ASB4: variants seen among roughly 807,000 people sequenced by gnomAD.
ASB4 encodes the protein ankyrin repeat and SOCS box containing 4.
A neutral mutation model predicts 38.6 loss-of-function variants in ASB4; 35 were observed. The observed-to-expected ratio is 0.91, with a 90% CI of 0.69 to 1.20. ASB4 has a LOEUF of 1.20. ASB4 is among the 50% of genes most tolerant of loss of function. ASB4 has a pLI of 0.00. For missense variants in ASB4, 557 were observed against 527.2 expected (o/e 1.06, Z -0.55); for synonymous variants, 195 against 201.3 (o/e 0.97, Z 0.26).
At chr7:95,510,336 G>A (rs1790462876) in intron 2 of ASB4, among the ~76,000 whole-genome samples, 1 of 152,002 alleles carries the variant, frequency 6.6e-6, no homozygotes, top group African/African-American at 2.4e-5. Flanking sequence ...CCTTTATTTT[G>A]GTTTCTGGAT....
intron 2 of ASB4, among the ~76,000 whole-genome samples, chr7:95,510,182 A>G (rs1243296108): frequency 6.6e-6 from 1 of 152,194 alleles, no homozygotes; most frequent in Admixed American, 6.5e-5. Context: ...ATGAAAAGAT[A>G]TGAAAAACTG....
chr7:95,474,717 G>T (rs539116910), upstream of ASB4, among the ~76,000 whole-genome samples: 1 of 152,002 alleles, frequency 6.6e-6, no homozygotes, highest in Admixed American at 6.5e-5. Context: ...TTAGAGATGG[G>T]TGTCACCATG....
At chr7:95,528,893 T>G in intron 3 of ASB4, 1 of 217,480 alleles carries the variant, frequency 4.6e-6, no homozygotes, top group Non-Finnish European at 7.8e-6. Context: ...TGAGGCACAG[T>G]TAAGTAGCTT....
chr7:95,479,420 A>G (rs1485960937), intron 1 of ASB4, among the ~76,000 whole-genome samples: 1 of 152,202 alleles, frequency 6.6e-6, no homozygotes, highest in Non-Finnish European at 1.5e-5. Context: ...TTCTTATGAA[A>G]TAGTATGCTT....
intron 2 of ASB4, 140 bp from the exon 3 acceptor site, chr7:95,527,673 G>T (rs1224166611): frequency 1.5e-5 from 13 of 841,576 alleles, no homozygotes; most frequent in Non-Finnish European, 2.0e-5. Context: ...GAGCCTGGGG[G>T]CAAAGGGGTT....
intron 3 of ASB4, among the ~76,000 whole-genome samples, chr7:95,534,298 G>T (rs1278360156): frequency 6.6e-6 from 1 of 151,426 alleles, no homozygotes; most frequent in East Asian, 1.9e-4. Context: ...AGCTGAGATT[G>T]CACCATTGCA....
At chr7:95,517,472 A>AGTGC (rs1289301541) in intron 2 of ASB4, among the ~76,000 whole-genome samples, 1 of 152,236 alleles carries the variant, frequency 6.6e-6, no homozygotes, top group Non-Finnish European at 1.5e-5. Context: ...TATAATAGGA[A>AGTGC]GTGCAAGGAG....
intron 2 of ASB4, among the ~76,000 whole-genome samples, chr7:95,525,644 C>T (rs942048580): frequency 6.6e-6 from 1 of 152,144 alleles, no homozygotes; most frequent in African/African-American, 2.4e-5. Context: ...CCCTTTGATT[C>T]TCTTCCTTAC....
downstream of ASB4, among the ~76,000 whole-genome samples, chr7:95,545,055 T>G (rs1257692403): frequency 1.3e-5 from 2 of 152,080 alleles, no homozygotes; most frequent in Admixed American, 1.3e-4. Context: ...TTTTTTCTTT[T>G]TATTGCATTT....
At chr7:95,498,027 C>T (rs558424914) in intron 2 of ASB4, among the ~76,000 whole-genome samples, 13 of 152,252 alleles carry the variant, frequency 8.5e-5, no homozygotes, top group South Asian at 2.1e-4. Flanking sequence ...TTTTATTTCT[C>T]TTATATAAAT....
intron 1 of ASB4, among the ~76,000 whole-genome samples, chr7:95,488,599 G>C (rs1488889020): frequency 6.6e-6 from 1 of 152,180 alleles, no homozygotes; most frequent in East Asian, 1.9e-4. Flanking sequence ...ATTTCTGTGT[G>C]GCCTTAAAAG....
At chr7:95,470,916 G>A in the ASB4 span, among the ~76,000 whole-genome samples, 3 of 152,112 alleles carry the variant, frequency 2.0e-5, no homozygotes, top group Non-Finnish European at 4.4e-5. Context: ...AACTCTCCGG[G>A]TGGTTCCCTG....
chr7:95,507,166 G>T (rs1790422158), intron 2 of ASB4, among the ~76,000 whole-genome samples: 1 of 151,844 alleles, frequency 6.6e-6, no homozygotes, highest in Non-Finnish European at 1.5e-5. Flanking sequence ...TTGCTGCAGG[G>T]TATCTGGCTG....
rs147592802 is a variant in ASB4 at position 95,503,347 on chromosome 7, T to C, written c.487+7290T>C. On this transcript the variant is annotated intron_variant, in intron 2 of 4. Coordinates refer to ENST00000325885, the MANE Select transcript of ASB4 (RefSeq NM_016116.3). ...TTCTAACCTGGAAACTAAAAGACTGTGAGCATCTTGTTTTCTTTCCTTTGC... is the reference window on the plus strand; with the variant it reads ...TTCTAACCTGGAAACTAAAAGACTGCGAGCATCTTGTTTTCTTTCCTTTGC... Among the ~76,000 whole-genome samples the C allele has an allele frequency of 2.8e-3, 434 of 152,346 alleles. 3 individuals carry two copies. Among genetic ancestry groups the C allele is most frequent in the Non-Finnish European group, 4.1e-3 (279 of 68,030 alleles).
upstream of ASB4, among the ~76,000 whole-genome samples, chr7:95,484,865 T>C (rs6958904): frequency 0.26 from 39,527 of 151,674 alleles, 5,273 homozygotes; most frequent in East Asian, 0.37. Context: ...GAAAGAATAA[T>C]GTAATGGATA....
chr7:95,505,697 C>G (rs77594808), intron 2 of ASB4, among the ~76,000 whole-genome samples: 10 of 141,796 alleles, frequency 7.1e-5, no homozygotes, highest in East Asian at 4.6e-4. Flanking sequence ...CCCCCCCCCC[C>G]CAAATACTTA....
intron 1 of ASB4, 97 bp downstream of exon 1, chr7:95,486,255 T>G: frequency 1.1e-6 from 1 of 911,380 alleles, no homozygotes; most frequent in Non-Finnish European, 1.6e-6. Flanking sequence ...TTTTATTGTT[T>G]CTTTAAGTAT....
At chr7:95,482,611 A>G (rs1372707439), upstream of ASB4, among the ~76,000 whole-genome samples, 1 of 152,220 alleles carries the variant, frequency 6.6e-6, no homozygotes, top group East Asian at 1.9e-4. Flanking sequence ...CCACGCCTGA[A>G]GGACTCACGT....
At position 95,515,248 on chromosome 7, in the gene ASB4, T is replaced by C. The variant is rs866127168; in HGVS notation, c.488-12565T>C. Among the ~76,000 whole-genome samples, 557 of 125,864 alleles carry C rather than the reference T, an allele frequency of 4.4e-3. 5 individuals carry two copies. Among genetic ancestry groups the C allele is most frequent in the Non-Finnish European group, 5.9e-3 (338 of 57,770 alleles). 82.6% of individuals were successfully genotyped at this position (125,864 alleles called of 152,430 possible). On this transcript the variant is annotated intron_variant, in intron 2 of 4. Coordinates refer to ENST00000325885, the MANE Select transcript of ASB4 (RefSeq NM_016116.3). The stretch of plus-strand genomic sequence containing the variant: ...TTCTTTCTTTTTCTTTCTTTCTTTC[T>C]TTCCTTCTTTCTTTCTTTCTCTTTC...
Sources: gnomAD v4.1 joint callset for allele counts (sites outside exome capture counted in the v4.1 genomes callset) on GRCh38, gnomAD v4.1.1 for gene constraint, MANE v1.5 for transcripts, NCBI Gene and HGNC (gene_info 2026-07-23, HGNC 2026-07-21) for gene names.